Variants in TDRD1 observed in about 807,000 individuals in gnomAD.
TDRD1 encodes tudor domain containing 1, also known as tudor domain-containing protein 1.
TDRD1 carries 37 observed loss-of-function variants against 140.6 expected under a neutral mutation model. The observed-to-expected ratio is 0.26, with a 90% CI of 0.20 to 0.35. The LOEUF (loss-of-function observed/expected upper bound fraction) is 0.35, where lower values mean the gene tolerates loss of function less well. Ranked by LOEUF, TDRD1 falls within the 10% of genes least tolerant of loss-of-function variation. The probability of loss-of-function intolerance (pLI) is 1.00; values close to 1 mark genes in which losing one functional copy is unlikely to be tolerated. For synonymous variants in TDRD1, 506 were observed against 475.7 expected, an observed-to-expected ratio of 1.06 and a Z score of -0.83; for missense variants, 1,243 against 1,393.0, an observed-to-expected ratio of 0.89 and a Z score of 1.71.
intron 11 of TDRD1, among the ~76,000 whole-genome samples, chr10:114,209,290 G>A (rs982342565): frequency 6.6e-6 from 1 of 152,138 alleles, no homozygotes; most frequent in African/African-American, 2.4e-5. Flanking sequence ...GAACTATCCA[G>A]ATCTCCCACT....
intron 3 of TDRD1, among the ~76,000 whole-genome samples, chr10:114,198,842 G>C (rs2034545463): frequency 6.6e-6 from 1 of 152,124 alleles, no homozygotes; most frequent in Non-Finnish European, 1.5e-5. Context: ...TTTCTTGTTG[G>C]AGCTTTTATC....
intron 3 of TDRD1, among the ~76,000 whole-genome samples, chr10:114,194,000 A>G (rs759066823): frequency 6.6e-6 from 1 of 152,188 alleles, no homozygotes; most frequent in Non-Finnish European, 1.5e-5. Context: ...GGTGGATTAC[A>G]TTGATATTTT....
At chr10:114,182,797 G>A (rs2033191026) in intron 1 of TDRD1, among the ~76,000 whole-genome samples, 1 of 150,534 alleles carries the variant, frequency 6.6e-6, no homozygotes, top group Admixed American at 6.7e-5. Context: ...CCATTCTTCT[G>A]CCTCAGCCTC....
At chr10:114,232,553 T>C (rs12777151), downstream of TDRD1, among the ~76,000 whole-genome samples, 22,807 of 146,512 alleles carry the variant, frequency 0.16, 2,001 homozygotes, top group Middle Eastern at 0.2. Context: ...ATGTACGTTG[T>C]CTAATCTGTT....
chr10:114,188,495 G>A (rs1161499121), intron 2 of TDRD1, among the ~76,000 whole-genome samples: 7 of 152,120 alleles, frequency 4.6e-5, no homozygotes, highest in Non-Finnish European at 7.4e-5. Flanking sequence ...TGCATATATC[G>A]CAAAGATATA....
chr10:114,230,067 G>A (rs1375146716), intron 25 of TDRD1, among the ~76,000 whole-genome samples: 2 of 152,014 alleles, frequency 1.3e-5, no homozygotes, highest in Non-Finnish European at 2.9e-5. Flanking sequence ...TCCTGACCTC[G>A]TGATCTGCCC....
chr10:114,205,035 T>A, intron 10 of TDRD1, 142 bp downstream of exon 10: 1 of 646,326 alleles, frequency 1.5e-6, no homozygotes, highest in Non-Finnish European at 2.4e-6. Flanking sequence ...ATTCTTGAAA[T>A]TGGCAGTTTG....
intron 15 of TDRD1, 27 bp downstream of exon 15, chr10:114,213,615 C>G (rs2035625953): frequency 1.2e-6 from 2 of 1,603,240 alleles, no homozygotes; most frequent in Non-Finnish European, 1.7e-6. Context: ...CTGGATAATG[C>G]CTGTTCTGGA....
At chr10:114,184,835 A>C (rs543650536) in intron 1 of TDRD1, among the ~76,000 whole-genome samples, 109 of 152,216 alleles carry the variant, frequency 7.2e-4, no homozygotes, top group African/African-American at 2.5e-3. Context: ...TGGCTATTGC[A>C]GTCTGATTCT....
At chr10:114,214,229 G>T in intron 16 of TDRD1, 115 bp downstream of exon 16, 8 of 825,586 alleles carry the variant, frequency 9.7e-6, no homozygotes, top group Non-Finnish European at 1.5e-5. Context: ...GAGCCAAGTG[G>T]TATTTGTATT....
chr10:114,184,987 T>G (rs1254605485), intron 1 of TDRD1, among the ~76,000 whole-genome samples: 2 of 152,198 alleles, frequency 1.3e-5, no homozygotes, highest in Middle Eastern at 3.2e-3. Context: ...TATTCTTGGT[T>G]GTATTAGTCC....
At chr10:114,227,273 C>G in exon 23 of TDRD1, 1 of 1,613,384 alleles carries the variant, frequency 6.2e-7, no homozygotes, top group Non-Finnish European at 8.5e-7. Flanking sequence ...AACATCACAC[C>G]TCAAAGGCAG....
In TDRD1 at chr10:114,228,552, GA is replaced by G. The variant is rs2036574520; in HGVS notation, c.3538+429del. The G allele has an allele frequency of 4.0e-6, 4 of 990,476 alleles. No individual in the cohort carries two copies. In the South Asian group the frequency reaches 1.9e-4, roughly 46 times the overall value. The allele number at this position is 990,476 out of a possible 1,614,324, so 61.4% of individuals were successfully genotyped here. On this transcript the variant is annotated intron_variant, in intron 25 of 25. Transcript: ENST00000251864. Reference sequence around the variant, plus strand: ...TTGCGAGGGGTATCTAAAGGGCCAAGAACGGAAAGTGGATCTAAAGGGCCAA... The same window carrying G: ...TTGCGAGGGGTATCTAAAGGGCCAAGACGGAAAGTGGATCTAAAGGGCCAA...
rs565059902 is a variant in TDRD1 at position 114,196,973 on chromosome 10, A to G, written c.385-2200A>G. Among the ~76,000 whole-genome samples the G allele has an allele frequency of 1.6e-3, 242 of 149,022 alleles. 1 individual carries two copies. The highest frequency in any genetic ancestry group is 5.5e-3 in the African/African-American group (222 of 40,168). On this transcript the variant is annotated intron_variant, in intron 3 of 25. Transcript: ENST00000251864. ...GCGATTCTCCTGTCTCAGCCTCCCA[A>G]GTAGCTGGGATTACAGATGCCCTCC...
At chr10:114,187,930 C>T in exon 2 of TDRD1, 1 of 1,613,314 alleles carries the variant, frequency 6.2e-7, no homozygotes, top group Non-Finnish European at 8.5e-7. Flanking sequence ...AAAATGAAAA[C>T]AAGCTTCCAC....
At chr10:114,218,617 T>C (rs1166705731) in intron 18 of TDRD1, 33 bp downstream of exon 18, 2 of 1,477,116 alleles carry the variant, frequency 1.4e-6, no homozygotes, top group African/African-American at 2.8e-5. Flanking sequence ...TTCTCAACTT[T>C]CTAATACTTG....
chr10:114,197,217 C>A (rs1036476496), intron 3 of TDRD1, among the ~76,000 whole-genome samples: 15 of 151,970 alleles, frequency 9.9e-5, no homozygotes, highest in Non-Finnish European at 2.9e-5. Flanking sequence ...AATACTAGAT[C>A]TTTTGTTGTA....
upstream of TDRD1, among the ~76,000 whole-genome samples, chr10:114,177,834 C>CTTTTTTT (rs34189756): frequency 1.5e-5 from 2 of 131,116 alleles, no homozygotes; most frequent in African/African-American, 2.9e-5. Flanking sequence ...CTTTCTTTTT[C>CTTTTTTT]TTTTTTTTTT....
intron 3 of TDRD1, among the ~76,000 whole-genome samples, chr10:114,193,289 C>CTG (rs2034112614): frequency 1.2e-5 from 1 of 83,684 alleles, no homozygotes; most frequent in African/African-American, 5.1e-5. Context: ...TTGCTGAAGT[C>CTG]TTTTTTTTTT....
Sources: gnomAD v4.1 joint callset for allele counts (sites outside exome capture counted in the v4.1 genomes callset) on GRCh38, gnomAD v4.1.1 for gene constraint, MANE v1.5 for transcripts, NCBI Gene and HGNC (gene_info 2026-07-23, HGNC 2026-07-21) for gene names.